The following RORA variants were observed in gnomAD, a reference collection of about 807,000 sequenced individuals.
The protein encoded by RORA is nuclear receptor ROR-alpha.
Under a neutral mutation model 69.5 loss-of-function variants are expected in RORA, and 7 were observed. That is an observed-to-expected ratio of 0.10 (90% CI 0.06 to 0.19). The LOEUF (loss-of-function observed/expected upper bound fraction) is 0.19, where lower values mean the gene tolerates loss of function less well. RORA is among the 10% of genes least tolerant of loss of function. RORA has a pLI of 1.00. For missense variants in RORA, 457 were observed against 663.0 expected (o/e 0.69, Z 3.41); for synonymous variants, 261 against 240.8 (o/e 1.08, Z -0.78).
rs777787220 is a variant in RORA, at chr15:60,556,836, T to C, written c.197-24985A>G. ...AATGAAGAAACCTTGCAAATTACAG[T>C]GGATGTTTCCCCTCACCATTCATGT... On this transcript the variant is annotated intron_variant, in intron 2 of 10. Transcript: ENST00000335670. The C allele has an allele frequency of 3.8e-6, 6 of 1,583,886 alleles. No individual in the cohort carries two copies. The Admixed American group carries it at 6.8e-5, about 18-fold the overall frequency.
At chr15:61,106,224 T>C (rs1023424330) in intron 1 of RORA, among the ~76,000 whole-genome samples, 6 of 152,204 alleles carry the variant, frequency 3.9e-5, no homozygotes, top group Non-Finnish European at 5.9e-5. Flanking sequence ...AACATTCTAG[T>C]TATTACTAGA....
chr15:60,592,887 G>T (rs1341737429), intron 2 of RORA: 1 of 458,124 alleles, frequency 2.2e-6, no homozygotes, highest in South Asian at 1.6e-5. Flanking sequence ...ACTCGGTGGG[G>T]CAAGAGGCTC....
intron 1 of RORA, among the ~76,000 whole-genome samples, chr15:61,159,033 G>T (rs1017966471): frequency 6.6e-6 from 1 of 152,150 alleles, no homozygotes; most frequent in African/African-American, 2.4e-5. Context: ...CAAGCATGGT[G>T]TAACATATAT....
chr15:61,072,201 G>C (rs1030531175), intron 1 of RORA, among the ~76,000 whole-genome samples: 21 of 151,938 alleles, frequency 1.4e-4, no homozygotes, highest in African/African-American at 5.1e-4. Flanking sequence ...TGTTACTAAA[G>C]AAAAGCCAAA....
intron 2 of RORA, chr15:60,627,500 TG>T: frequency 6.5e-7 from 1 of 1,526,758 alleles, no homozygotes; most frequent in Non-Finnish European, 8.8e-7. Context: ...GGGAGGAGTA[TG>T]GGGGATAATG....
intron 1 of RORA, among the ~76,000 whole-genome samples, chr15:60,681,159 A>G (rs2070636962): frequency 6.6e-6 from 1 of 152,234 alleles, no homozygotes; most frequent in Non-Finnish European, 1.5e-5. Context: ...AAATGATTCC[A>G]TAGAAGTACC....
intron 1 of RORA, among the ~76,000 whole-genome samples, chr15:61,171,405 C>G (rs927680023): frequency 6.6e-6 from 1 of 152,134 alleles, no homozygotes; most frequent in Non-Finnish European, 1.5e-5. Flanking sequence ...TGGCCCCACC[C>G]CCAGAGTTCA....
chr15:61,085,369 C>T (rs528128999), intron 1 of RORA, among the ~76,000 whole-genome samples: 2 of 152,346 alleles, frequency 1.3e-5, no homozygotes, highest in African/African-American at 4.8e-5. Flanking sequence ...GACCTGCCCA[C>T]TCTTGCCCTC....
intron 8 of RORA, 55 bp downstream of exon 8, chr15:60,502,705 C>G (rs1364979836): frequency 9.3e-7 from 1 of 1,079,022 alleles, no homozygotes; most frequent in Non-Finnish European, 1.4e-6. Flanking sequence ...TCACTCAACC[C>G]GCATCTTTTC....
At position 60,555,083 on chromosome 15, in the gene RORA, C is replaced by T. The variant is rs181080604; in HGVS notation, c.197-23232G>A. ...CCAAAGAAGAGGTGATAATCTTCAG[C>T]GTGCCCTACTTGCCAGGCAAAAATG... On this transcript the variant is annotated intron_variant, in intron 2 of 10. Coordinates refer to ENST00000335670, the MANE Select transcript of RORA (RefSeq NM_134261.3). Among the ~76,000 whole-genome samples, 309 of 152,232 alleles carry T rather than the reference C, an allele frequency of 2.0e-3. 4 individuals are homozygous for T. The highest frequency in any genetic ancestry group is 0.015 in the South Asian group (71 of 4,822).
At chr15:60,594,441 G>A (rs1331408393) in intron 2 of RORA, among the ~76,000 whole-genome samples, 2 of 152,226 alleles carry the variant, frequency 1.3e-5, no homozygotes, top group African/African-American at 2.4e-5. Context: ...ATCGGAGACT[G>A]CATCCTCGGA....
chr15:60,812,440 T>C (rs1008794382), intron 1 of RORA, among the ~76,000 whole-genome samples: 8 of 151,932 alleles, frequency 5.3e-5, no homozygotes, highest in Non-Finnish European at 1.0e-4. Context: ...AGCCTAGGAG[T>C]TCAAGGCTGC....
At chr15:60,886,650 G>A (rs909912705) in intron 1 of RORA, among the ~76,000 whole-genome samples, 1 of 152,068 alleles carries the variant, frequency 6.6e-6, no homozygotes, top group Admixed American at 6.6e-5. Flanking sequence ...ATCTGAGGTG[G>A]GTCTAACAGT....
intron 1 of RORA, among the ~76,000 whole-genome samples, chr15:61,076,350 A>G (rs893291): frequency 1 from 151,395 of 151,984 alleles, 75,409 homozygotes; most frequent in Middle Eastern, 1. Context: ...ATTGCTCCAC[A>G]CAGAGCAGAG....
At chr15:60,798,216 CAACA>C (rs2072525411) in intron 1 of RORA, among the ~76,000 whole-genome samples, 5 of 124,740 alleles carry the variant, frequency 4.0e-5, no homozygotes, top group South Asian at 2.9e-4. Context: ...TTCATTTCCC[CAACA>C]GACACACACA....
chr15:60,679,331 G>A (rs915850587), intron 1 of RORA, among the ~76,000 whole-genome samples: 4 of 152,132 alleles, frequency 2.6e-5, no homozygotes, highest in African/African-American at 7.2e-5. Flanking sequence ...AAACACGAGC[G>A]ATTCATGAGT....
At chr15:61,194,021 A>G (rs1469704909) in intron 1 of RORA, 1 of 152,118 alleles carries the variant, frequency 6.6e-6, no homozygotes, top group Non-Finnish European at 1.5e-5. Flanking sequence ...GATGCCCTTC[A>G]CTCTCTCTTG....
At chr15:60,701,422 TCAGTATCTCA>T (rs2070979822) in intron 1 of RORA, among the ~76,000 whole-genome samples, 1 of 152,034 alleles carries the variant, frequency 6.6e-6, no homozygotes, top group African/African-American at 2.4e-5. Context: ...AGGAAGTGAG[TCAGTATCTCA>T]CAGGATCTCA....
At chr15:60,979,541 C>A (rs916587825) in intron 1 of RORA, among the ~76,000 whole-genome samples, 1 of 152,044 alleles carries the variant, frequency 6.6e-6, no homozygotes, top group Non-Finnish European at 1.5e-5. Context: ...ATAGGACTTT[C>A]ACTTCCTTGG....
Sources: gnomAD v4.1 joint callset for allele counts (sites outside exome capture counted in the v4.1 genomes callset) on GRCh38, gnomAD v4.1.1 for gene constraint, MANE v1.5 for transcripts, NCBI Gene and HGNC (gene_info 2026-07-23, HGNC 2026-07-21) for gene names.